SBNO2: variants seen among roughly 807,000 people sequenced by gnomAD.
The protein encoded by SBNO2 is strawberry notch homolog 2.
In SBNO2, 89 loss-of-function variants were observed where a neutral mutation model predicts 146.3. That is an observed-to-expected ratio of 0.61 (90% CI 0.51 to 0.73). The LOEUF (loss-of-function observed/expected upper bound fraction) is 0.73. SBNO2 is among the 30% of genes least tolerant of loss of function. The pLI, the probability that SBNO2 is intolerant of heterozygous loss-of-function variation, is 0.00. For synonymous variants in SBNO2, 1,147 were observed against 892.6 expected, an observed-to-expected ratio of 1.29 and a Z score of -5.08; for missense variants, 2,092 against 2,003.7, an observed-to-expected ratio of 1.04 and a Z score of -0.84.
At chr19:1,116,150 A>G (rs769984612) in intron 16 of SBNO2, 47 bp from the exon 17 acceptor site, 2 of 1,557,338 alleles carry the variant, frequency 1.3e-6, no homozygotes, top group South Asian at 1.2e-5. Context: ...AGCTGAGGCC[A>G]GGCGGGGTTG....
In SBNO2 at chr19:1,154,344, C is replaced by T. The variant is rs764091444; in HGVS notation, c.-68G>A. 2.0e-5 allele frequency: 18 copies of T among 887,628 alleles called. No individual in the cohort carries two copies. Among genetic ancestry groups the T allele is most frequent in the Non-Finnish European group, 2.5e-5 (17 of 672,610 alleles). The allele number at this position is 887,628 out of a possible 1,614,324, so 55.0% of individuals were successfully genotyped here. On this transcript the variant is annotated 5_prime_UTR_variant, in exon 2 of 32. Coordinates refer to ENST00000361757, the MANE Select transcript of SBNO2 (RefSeq NM_014963.3). ...GCGGGACTCCAGGACCCGGGGCCGC[C>T]GGGGCGTCTATCTGGGCTTCTCGCT...
At chr19:1,143,472 T>C (rs2080158875) in intron 4 of SBNO2, among the ~76,000 whole-genome samples, 1 of 152,044 alleles carries the variant, frequency 6.6e-6, no homozygotes, top group Non-Finnish European at 1.5e-5. Context: ...ACCCTGTCTC[T>C]AAAAATAAAA....
intron 15 of SBNO2, 99 bp downstream of exon 15, chr19:1,117,223 GC>G: frequency 8.2e-7 from 1 of 1,225,820 alleles, no homozygotes; most frequent in South Asian, 1.5e-5. Context: ...TGCAGCCCCC[GC>G]CCACGTCTGG....
intron 1 of SBNO2, among the ~76,000 whole-genome samples, chr19:1,156,021 C>T (rs1488851296): frequency 6.6e-6 from 1 of 152,204 alleles, no homozygotes; most frequent in East Asian, 1.9e-4. Flanking sequence ...GGCAGCAGGG[C>T]CCAGGCCCCA....
chr19:1,173,648 G>C lies in SBNO2; in HGVS notation c.-127+524C>G, dbSNP rs531902630. ...GGAATCGGGGCGGCGGGAGAGACCG[G>C]GGGTCACTCCCAGGAAGGGGTCGAG... On this transcript the variant is annotated intron_variant, in intron 1 of 31. Transcript: ENST00000361757. This position sits in a 1 kb window ranked among gnomAD's most constrained non-coding sequence, Gnocchi z 4.7. 1 of 152,482 alleles carries C rather than the reference G, an allele frequency of 6.6e-6. No homozygotes were observed. Among genetic ancestry groups the C allele is most frequent in the Non-Finnish European group, 1.5e-5 (1 of 68,258 alleles). 9.4% of individuals were successfully genotyped at this position (152,482 alleles called of 1,614,324 possible).
At position 1,122,716 on chromosome 19, in the gene SBNO2, G is replaced by A; in HGVS notation, c.856C>T (p.Arg286Trp). The change falls in exon 9 of 32, where the codon CGG becomes TGG. Residue 286 changes from arginine (R) to tryptophan (W), a missense_variant. Transcript: ENST00000361757. ...IGDGAGVGKG[R>W]TVAGVILENH... is the part of the protein sequence containing the mutation. ...TCCAGGATGACTCCGGCCACCGTCC[G>A]GCCTTTGCCCACGCCGGCCCCATCG... is the stretch of plus-strand genomic sequence containing the variant. 2.0e-6 allele frequency: 3 copies of A among 1,536,834 alleles called. No individual in the cohort carries two copies. The highest frequency in any genetic ancestry group is 2.6e-6 in the Non-Finnish European group (3 of 1,146,448).
chr19:1,150,011 G>A lies in SBNO2; in HGVS notation c.94-569C>T, dbSNP rs887158417. Among the ~76,000 whole-genome samples, 3 of 152,178 alleles carry A rather than the reference G, an allele frequency of 2.0e-5. No individual in the cohort carries two copies. Among genetic ancestry groups the A allele is most frequent in the South Asian group, 4.1e-4 (2 of 4,838 alleles). ...GGCCCTGACTTCTCAGAAGCTGCAC[G>A]GGGCTGGGGTGCGGGGAGCCTGCTT... On this transcript the variant is annotated intron_variant, in intron 2 of 31. Coordinates refer to ENST00000361757, the MANE Select transcript of SBNO2 (RefSeq NM_014963.3). This position sits in a 1 kb window ranked among gnomAD's most constrained non-coding sequence, Gnocchi z 6.2.
At chr19:1,138,807 C>T (rs576266038) in intron 4 of SBNO2, among the ~76,000 whole-genome samples, 1 of 151,808 alleles carries the variant, frequency 6.6e-6, no homozygotes, top group South Asian at 2.1e-4. Flanking sequence ...TCCACGCCTC[C>T]ATCACGGACA....
intron 18 of SBNO2, 72 bp from the exon 19 acceptor site, chr19:1,113,776 C>T: frequency 1.4e-6 from 2 of 1,393,530 alleles, no homozygotes; most frequent in Non-Finnish European, 1.9e-6. Context: ...TCAAGGCTGG[C>T]CCCTGGAGGG....
In SBNO2 at chr19:1,114,457, C is replaced by T. The variant is rs762924106; in HGVS notation, c.1886-35G>A. 31 of 1,475,126 alleles carry T rather than the reference C, an allele frequency of 2.1e-5. No homozygotes were observed. Among genetic ancestry groups the T allele is most frequent in the South Asian group, 1.7e-4 (13 of 75,002 alleles). 91.4% of individuals were successfully genotyped at this position (1,475,126 alleles called of 1,614,324 possible). A position where few individuals can be genotyped will look rare whatever the true frequency, so the allele number is the denominator to read the frequency against. On this transcript the variant is annotated intron_variant, in intron 17 of 31. Coordinates refer to ENST00000361757, the MANE Select transcript of SBNO2 (RefSeq NM_014963.3). Reference sequence around the variant, plus strand: ...AGGACAGGGTCACCGAGGGCCAGACCGCAGCAAGGTGGAGGAGCAGGTGGA... The same window carrying T: ...AGGACAGGGTCACCGAGGGCCAGACTGCAGCAAGGTGGAGGAGCAGGTGGA...
intron 11 of SBNO2, 171 bp from the exon 12 acceptor site, chr19:1,120,194 G>A (rs1269044552): frequency 3.3e-6 from 2 of 600,904 alleles, no homozygotes; most frequent in Non-Finnish European, 5.9e-6. Flanking sequence ...ATGGGGGGCG[G>A]GCGGGCAGGC....
chr19:1,142,637 A>G (rs555127814), intron 4 of SBNO2, among the ~76,000 whole-genome samples: 6 of 152,006 alleles, frequency 3.9e-5, no homozygotes, highest in African/African-American at 1.4e-4. Context: ...CCGAGATTGC[A>G]CCACTGCACT....
intron 1 of SBNO2, among the ~76,000 whole-genome samples, chr19:1,156,833 C>T (rs964313944): frequency 1.3e-5 from 2 of 151,394 alleles, no homozygotes; most frequent in Non-Finnish European, 3.0e-5. Flanking sequence ...CGGGCTGGGG[C>T]GACCCTGCAC....
In SBNO2 at chr19:1,150,540, G is replaced by C. The variant is rs987823313; in HGVS notation, c.94-1098C>G. Among the ~76,000 whole-genome samples the C allele has an allele frequency of 4.6e-5, 7 of 152,070 alleles. No homozygotes were observed. The highest frequency in any genetic ancestry group is 1.7e-4 in the African/African-American group (7 of 41,424). ...CGGACGCCCCCACGGTCACGGGGGAGACCCTGCCGTCACGGACGCCCCCGT... is the reference window on the plus strand; with the variant it reads ...CGGACGCCCCCACGGTCACGGGGGACACCCTGCCGTCACGGACGCCCCCGT... On this transcript the variant is annotated intron_variant, in intron 2 of 31. Coordinates refer to ENST00000361757, the MANE Select transcript of SBNO2 (RefSeq NM_014963.3). This position sits in a 1 kb window ranked among gnomAD's most constrained non-coding sequence, Gnocchi z 6.2.
Position 1,111,083 on chromosome 19 carries a change from C to G in SBNO2, c.2820G>C (p.Gln940His). 5.1e-6 allele frequency: 8 copies of G among 1,553,718 alleles called. No individual in the cohort carries two copies. The highest frequency in any genetic ancestry group is 5.2e-6 in the Non-Finnish European group (6 of 1,150,544). ...CACCAATGCCCACAGACAGCAGGCCCTGCTTCATGTCTGCGGGGAGAGGGG... is the reference window on the plus strand; with the variant it reads ...CACCAATGCCCACAGACAGCAGGCCGTGCTTCATGTCTGCGGGGAGAGGGG... ...GVPTFFRDMK[Q>H]GLLSVGIGGR... is the part of the protein sequence containing the mutation. Residue 940 changes from glutamine (Q) to histidine (H), a missense_variant, in exon 25 of 32, where the codon CAG (glutamine) becomes CAC (histidine). Physicochemically the swap from Gln to His is conservative, Grantham distance 24. Transcript: ENST00000361757.
At chr19:1,152,956 C>T (rs1432473825) in intron 2 of SBNO2, among the ~76,000 whole-genome samples, 5 of 152,088 alleles carry the variant, frequency 3.3e-5, no homozygotes, top group African/African-American at 9.6e-5. Flanking sequence ...AGTTTGAGAC[C>T]AGCGTGTCCA....
rs1221702021 is a variant in SBNO2, at chr19:1,117,345, C to T, written c.1682G>A (p.Arg561Gln). ...CACCTTGTCTCGCGCCAGCTCCTCTCGGGCCAGCTCCACCAGCCGGCGCAC... is the reference window on the plus strand; with the variant it reads ...CACCTTGTCTCGCGCCAGCTCCTCTTGGGCCAGCTCCACCAGCCGGCGCAC... Reference protein sequence around the residue: ...AKVRRLVELAREELARDKCVV... With the variant: ...AKVRRLVELAQEELARDKCVV... The change falls in exon 15 of 32, where the codon CGA becomes CAA. Residue 561 changes from arginine to glutamine, a missense_variant. Arg to Gln is a conservative substitution (Grantham distance 43). Coordinates refer to ENST00000361757, the MANE Select transcript of SBNO2 (RefSeq NM_014963.3). 8 of 1,574,888 alleles carry T rather than the reference C, an allele frequency of 5.1e-6. No homozygotes were observed. The highest frequency in any genetic ancestry group is 4.7e-5 in the East Asian group (2 of 42,538).
chr19:1,114,172 C>T, intron 18 of SBNO2, 59 bp downstream of exon 18: 1 of 1,364,750 alleles, frequency 7.3e-7, no homozygotes, highest in Non-Finnish European at 9.6e-7. Context: ...GAGGTGGCTG[C>T]TCAGCCTGGA....
chr19:1,149,257 AC>A, intron 3 of SBNO2, 111 bp downstream of exon 3: 1 of 983,390 alleles, frequency 1.0e-6, no homozygotes, highest in Non-Finnish European at 1.5e-6. Context: ...CACCCTCCAA[AC>A]CCCTCAACAA....
Sources: allele counts gnomAD v4.1 joint callset (sites outside exome capture counted in the v4.1 genomes callset), GRCh38; gene constraint gnomAD v4.1.1; non-coding constraint Gnocchi (gnomAD v3.1); transcripts MANE v1.5; gene names NCBI Gene and HGNC (gene_info 2026-07-23, HGNC 2026-07-21).